The following NEDD4 variants were observed in gnomAD, a reference collection of about 807,000 sequenced individuals.
NEDD4 encodes NEDD4 E3 ubiquitin protein ligase.
NEDD4 carries 99 observed loss-of-function variants against 144.9 expected under a neutral mutation model. The observed-to-expected ratio is 0.68, with a 90% CI of 0.58 to 0.81. The LOEUF is 0.81. Among genes scored for constraint, NEDD4 ranks in the 30% least tolerant of loss-of-function variants. NEDD4 has a pLI of 0.00. For missense variants in NEDD4, 985 were observed against 1,065.9 expected (o/e 0.92, Z 1.06); for synonymous variants, 318 against 350.6 (o/e 0.91, Z 1.04).
chr15:55,910,042 T>C (rs1595832002), intron 5 of NEDD4, among the ~76,000 whole-genome samples: 2 of 152,326 alleles, frequency 1.3e-5, no homozygotes, highest in South Asian at 4.1e-4. Flanking sequence ...TATTCTATAG[T>C]TCCAAGGTGA....
At chr15:55,915,929 A>G in intron 5 of NEDD4, 1 of 1,614,040 alleles carries the variant, frequency 6.2e-7, no homozygotes, top group South Asian at 1.1e-5. Flanking sequence ...CACTAGGAGA[A>G]ATAATAAACT....
At chr15:55,919,406 A>C (rs1358956818) in intron 5 of NEDD4, among the ~76,000 whole-genome samples, 4 of 152,228 alleles carry the variant, frequency 2.6e-5, no homozygotes, top group Non-Finnish European at 4.4e-5. Flanking sequence ...GGTTTCAGCC[A>C]AGGAAATGTA....
chr15:55,968,831 G>A (rs1009543984), intron 1 of NEDD4, among the ~76,000 whole-genome samples: 1 of 152,178 alleles, frequency 6.6e-6, no homozygotes, highest in African/African-American at 2.4e-5. Flanking sequence ...AGTATTTACA[G>A]GAGCATTTTT....
At chr15:55,910,185 T>C (rs1240276288) in intron 5 of NEDD4, among the ~76,000 whole-genome samples, 1 of 152,214 alleles carries the variant, frequency 6.6e-6, no homozygotes, top group Non-Finnish European at 1.5e-5. Context: ...TAACTACATA[T>C]ATACCTTGCC....
At chr15:55,885,467 G>A (rs934765763) in intron 5 of NEDD4, among the ~76,000 whole-genome samples, 6 of 151,928 alleles carry the variant, frequency 3.9e-5, no homozygotes, top group African/African-American at 1.4e-4. Context: ...ACTAAAAGAT[G>A]AACTGATCAA....
At chr15:55,879,154 A>G (rs1260282244) in intron 5 of NEDD4, among the ~76,000 whole-genome samples, 1 of 152,186 alleles carries the variant, frequency 6.6e-6, no homozygotes, top group Non-Finnish European at 1.5e-5. Context: ...AGAAGATACA[A>G]AAGAGTACAT....
At position 55,840,018 on chromosome 15, in the gene NEDD4, AT is replaced by A. The variant is rs1490120981; in HGVS notation, c.2031+428del. 2.9e-4 allele frequency among the ~76,000 whole-genome samples: 12 copies of A among 41,006 alleles called. 1 individual carries two copies. Among genetic ancestry groups the A allele is most frequent in the Admixed American group, 5.0e-4 (2 of 4,030 alleles). The allele number at this position is 41,006 out of a possible 152,430, so 26.9% of individuals were successfully genotyped here. ...AAAAAAAATATATATATATATATAT[AT>A]ATATATATATATATATATATATAAC... On this transcript the variant is annotated intron_variant, in intron 21 of 28. Transcript: ENST00000435532.
intron 1 of NEDD4, among the ~76,000 whole-genome samples, chr15:55,970,830 C>G (rs1343719353): frequency 6.6e-6 from 1 of 152,158 alleles, no homozygotes; most frequent in Non-Finnish European, 1.5e-5. Flanking sequence ...TACAAACCAG[C>G]CCAGACTGTG....
intron 9 of NEDD4, among the ~76,000 whole-genome samples, chr15:55,862,393 C>G (rs1049352637): frequency 2.0e-5 from 3 of 152,000 alleles, no homozygotes; most frequent in Admixed American, 6.6e-5. Flanking sequence ...ACTGAGGAGA[C>G]AGAAGTTAGA....
At chr15:55,940,544 C>CTCTCTCTCTCTCTCTCTCTCTCTCTG in intron 4 of NEDD4, among the ~76,000 whole-genome samples, 1 of 126,694 alleles carries the variant, frequency 7.9e-6, no homozygotes, top group African/African-American at 2.6e-5. Context: ...CTCTCTCTCT[C>CTCTCTCTCTCTCTCTCTCTCTCTCTG]TGCCTCTCTG....
chr15:55,933,125 T>C (rs2036814802), intron 4 of NEDD4, among the ~76,000 whole-genome samples: 1 of 151,264 alleles, frequency 6.6e-6, no homozygotes, highest in African/African-American at 2.4e-5. Flanking sequence ...AGTGTGGCGA[T>C]TCCTCAAGGA....
At position 55,872,447 on chromosome 15, in the gene NEDD4, A is replaced by G; in HGVS notation, c.372T>C (p.Tyr124=). The change falls in exon 7 of 29, where the codon TAT becomes TAC. Residue 124 remains tyrosine, a synonymous_variant. Transcript: ENST00000435532. ...GATGAAGAACAAAATCCTTAAATGT[A>G]TATGGTCTCTCCAATCTTGGATTTT... is the stretch of plus-strand genomic sequence containing the variant. ...PTENPRLERP[Y]TFKDFVLHPR... The G allele has an allele frequency of 6.8e-7, 1 of 1,470,978 alleles. No individual in the cohort carries two copies. Among genetic ancestry groups the G allele is most frequent in the Non-Finnish European group, 9.1e-7 (1 of 1,094,326 alleles). The allele number at this position is 1,470,978 out of a possible 1,614,324, so 91.1% of individuals were successfully genotyped here.
At chr15:55,850,016 A>C (rs1229243110) in intron 14 of NEDD4, among the ~76,000 whole-genome samples, 1 of 151,874 alleles carries the variant, frequency 6.6e-6, no homozygotes, top group Non-Finnish European at 1.5e-5. Context: ...GATGGTCTCG[A>C]TCTCCATCTC....
chr15:55,867,712 C>A (rs1295685386), intron 8 of NEDD4, among the ~76,000 whole-genome samples: 6 of 152,142 alleles, frequency 3.9e-5, no homozygotes, highest in African/African-American at 7.2e-5. Flanking sequence ...GAAGAGAGTT[C>A]TTTGATCACC....
At chr15:55,924,482 C>A in intron 5 of NEDD4, 164 bp downstream of exon 5, 1 of 605,258 alleles carries the variant, frequency 1.7e-6, no homozygotes, top group Admixed American at 2.8e-5. Flanking sequence ...CGAGTAGGAC[C>A]AGGAGGAAGA....
At position 55,917,154 on chromosome 15, in the gene NEDD4, C is replaced by T. The variant is rs190216019; in HGVS notation, c.291+7492G>A. On this transcript the variant is annotated intron_variant, in intron 5 of 28. Transcript: ENST00000435532. ...AGCACACTGACTCAAACACAGCCAA[C>T]CTTGTTTCAATTATACCTTCTCCAA... 5.1e-4 allele frequency: 549 copies of T among 1,081,224 alleles called. 1 individual carries two copies. The Middle Eastern group carries it at 5.5e-3, about 11-fold the overall frequency. 67.0% of individuals were successfully genotyped at this position (1,081,224 alleles called of 1,614,324 possible).
At chr15:55,875,455 C>A (rs1157701228) in intron 5 of NEDD4, among the ~76,000 whole-genome samples, 4 of 151,972 alleles carry the variant, frequency 2.6e-5, no homozygotes, top group Admixed American at 2.6e-4. Flanking sequence ...GGATTACAGG[C>A]ATGCACCATG....
chr15:55,989,079 T>C (rs1206896397), intron 1 of NEDD4, among the ~76,000 whole-genome samples: 2 of 151,876 alleles, frequency 1.3e-5, no homozygotes, highest in Non-Finnish European at 2.9e-5. Flanking sequence ...CTACCAAAAA[T>C]ACAAAAATTA....
intron 13 of NEDD4, among the ~76,000 whole-genome samples, chr15:55,851,759 G>A (rs1275550008): frequency 6.6e-6 from 1 of 151,996 alleles, no homozygotes; most frequent in African/African-American, 2.4e-5. Flanking sequence ...TTATAGGCAT[G>A]AGCCACCTTG....
Sources: gnomAD v4.1 joint callset for allele counts (sites outside exome capture counted in the v4.1 genomes callset) on GRCh38, gnomAD v4.1.1 for gene constraint, MANE v1.5 for transcripts, NCBI Gene and HGNC (gene_info 2026-07-23, HGNC 2026-07-21) for gene names.